P4HA1: variants seen among roughly 807,000 people sequenced by gnomAD.
P4HA1 encodes prolyl 4-hydroxylase subunit alpha 1, also known as prolyl 4-hydroxylase subunit alpha-1.
In P4HA1, 24 loss-of-function variants were observed where a neutral mutation model predicts 72.8. The ratio of observed to expected loss-of-function variants is 0.33; its 90% CI spans 0.24 to 0.46. The LOEUF (loss-of-function observed/expected upper bound fraction) is 0.46. Among genes scored for constraint, P4HA1 ranks in the 20% least tolerant of loss-of-function variants. The pLI is 1.00. For missense variants in P4HA1, 446 were observed against 640.6 expected, an observed-to-expected ratio of 0.70 and a Z score of 3.28; for synonymous variants, 201 against 218.8, an observed-to-expected ratio of 0.92 and a Z score of 0.72.
chr10:73,096,415 A>G (rs1270400964), intron 1 of P4HA1, among the ~76,000 whole-genome samples: 1 of 151,158 alleles, frequency 6.6e-6, no homozygotes, highest in East Asian at 1.9e-4. Flanking sequence ...GGTGCAGGGG[A>G]ACTTGGAAAA....
At chr10:73,045,849 T>G (rs1840844849) in intron 8 of P4HA1, among the ~76,000 whole-genome samples, 3 of 150,240 alleles carry the variant, frequency 2.0e-5, no homozygotes, top group African/African-American at 7.4e-5. Context: ...ACCAGTCTTT[T>G]GCATTTATAA....
intron 1 of P4HA1, among the ~76,000 whole-genome samples, chr10:73,090,085 C>T (rs576252608): frequency 2.6e-5 from 4 of 152,220 alleles, no homozygotes; most frequent in South Asian, 2.1e-4. Flanking sequence ...CCTCCTGCCT[C>T]GGCCCCCCAG....
intron 9 of P4HA1, among the ~76,000 whole-genome samples, chr10:73,033,005 G>T (rs957731705): frequency 2.6e-5 from 4 of 152,172 alleles, no homozygotes; most frequent in Admixed American, 6.5e-5. Flanking sequence ...AAAATGGGAA[G>T]AATCAAAGTG....
At chr10:73,096,258 T>C (rs951458352) in intron 1 of P4HA1, among the ~76,000 whole-genome samples, 1 of 152,148 alleles carries the variant, frequency 6.6e-6, no homozygotes, top group African/African-American at 2.4e-5. Context: ...CGACTTTCGA[T>C]AGGGCAAAAA....
At chr10:73,032,155 GT>G (rs1287021927) in intron 9 of P4HA1, among the ~76,000 whole-genome samples, 2 of 152,102 alleles carry the variant, frequency 1.3e-5, no homozygotes, top group African/African-American at 4.8e-5. Context: ...CCTTCACTCA[GT>G]AGATAATGTA....
intron 3 of P4HA1, among the ~76,000 whole-genome samples, chr10:73,073,496 C>G (rs1841615662): frequency 6.6e-6 from 1 of 152,112 alleles, no homozygotes; most frequent in Non-Finnish European, 1.5e-5. Context: ...GCTGGGATTA[C>G]AGGCATGAGC....
At chr10:73,043,793 G>T in intron 9 of P4HA1, 1 of 911,292 alleles carries the variant, frequency 1.1e-6, no homozygotes, top group Non-Finnish European at 1.8e-6. Flanking sequence ...AACCACCTAG[G>T]TCTTAGAAAC....
chr10:73,041,841 C>CTT (rs771879587), intron 9 of P4HA1, among the ~76,000 whole-genome samples: 1 of 145,796 alleles, frequency 6.9e-6, no homozygotes, highest in African/African-American at 2.5e-5. Context: ...TTTCTTTTCT[C>CTT]TTTTTTTTTT....
rs1288347457 is a variant in P4HA1, at chr10:73,007,484, AATC to A, written c.*735_*737del. 6.6e-6 allele frequency: 1 copy of A among 152,556 alleles called. No homozygotes were observed. The highest frequency in any genetic ancestry group is 2.4e-5 in the African/African-American group (1 of 41,408). The allele number at this position is 152,556 out of a possible 1,614,324, so 9.5% of individuals were successfully genotyped here. A position where few individuals can be genotyped will look rare whatever the true frequency, so the allele number is the denominator to read the frequency against. ...GAAAAACAGCAAAATTCCTGAACAAAATCATCTGTCATTTTAAAAAAGGGATAA... is the reference window on the plus strand; with the variant it reads ...GAAAAACAGCAAAATTCCTGAACAAAATCTGTCATTTTAAAAAAGGGATAA... On this transcript the variant is annotated 3_prime_UTR_variant, in exon 15 of 15. Transcript: ENST00000394890.
chr10:73,071,037 T>C (rs58352435), intron 4 of P4HA1, among the ~76,000 whole-genome samples: 23,978 of 151,628 alleles, frequency 0.16, 3,122 homozygotes, highest in African/African-American at 0.34. Context: ...AATTTTTAAA[T>C]TGGCCTGGCG....
intron 5 of P4HA1, among the ~76,000 whole-genome samples, chr10:73,062,813 T>TG (rs1841341530): frequency 6.6e-6 from 1 of 152,206 alleles, no homozygotes; most frequent in Admixed American, 6.5e-5. Flanking sequence ...GTTTTGCTAG[T>TG]GATCAGACAT....
Position 73,009,878 on chromosome 10 carries a change from A to C in P4HA1, c.1463T>G (p.Leu488Arg). ...ATAATCTCCTTCTCCACTGGCAAAC[A>C]GATTATACCAGAAAACAGCAGTTCC... ...KKGTAVFWYN[L>R]FASGEGDYST... The change falls in exon 14 of 15, where the codon CTG (leucine) becomes CGG (arginine). Residue 488 changes from leucine to arginine, a missense_variant. By Grantham distance (102) the Leu-to-Arg change is moderately radical. Transcript: ENST00000394890. 1 of 1,608,000 alleles carries C rather than the reference A, an allele frequency of 6.2e-7. No individual in the cohort carries two copies. The highest frequency in any genetic ancestry group is 1.7e-5 in the Admixed American group (1 of 60,010).
At chr10:73,048,634 CT>C (rs111740130) in intron 7 of P4HA1, among the ~76,000 whole-genome samples, 24,195 of 152,018 alleles carry the variant, frequency 0.16, 3,202 homozygotes, top group African/African-American at 0.34. Flanking sequence ...TTAGCAGACT[CT>C]TTGTTTTATA....
intron 14 of P4HA1, among the ~76,000 whole-genome samples, chr10:73,008,655 G>A (rs1839844611): frequency 6.6e-6 from 1 of 152,094 alleles, no homozygotes; most frequent in Admixed American, 6.5e-5. Flanking sequence ...TTTATGTATT[G>A]TTTTCAAAGT....
intron 1 of P4HA1, among the ~76,000 whole-genome samples, chr10:73,083,449 A>G (rs1374985065): frequency 1.3e-5 from 2 of 152,206 alleles, no homozygotes; most frequent in Non-Finnish European, 2.9e-5. Flanking sequence ...TTCATATTAG[A>G]AGTCAGCTCT....
At chr10:73,066,834 C>A (rs1841434863) in intron 5 of P4HA1, among the ~76,000 whole-genome samples, 1 of 152,116 alleles carries the variant, frequency 6.6e-6, no homozygotes, top group East Asian at 1.9e-4. Flanking sequence ...CTCTTTCCTG[C>A]CACCCTGTGA....
At chr10:73,043,444 A>G (rs1840783675) in intron 9 of P4HA1, among the ~76,000 whole-genome samples, 2 of 152,224 alleles carry the variant, frequency 1.3e-5, no homozygotes, top group Admixed American at 6.5e-5. Context: ...TAATAACCTA[A>G]TAAGATTATC....
chr10:73,044,065 G>A, intron 9 of P4HA1: 1 of 665,334 alleles, frequency 1.5e-6, no homozygotes, highest in East Asian at 2.7e-5. Flanking sequence ...GTTCAGATTG[G>A]TCTGGATGGT....
chr10:73,014,557 G>C (rs1839974934), intron 11 of P4HA1, among the ~76,000 whole-genome samples: 1 of 152,118 alleles, frequency 6.6e-6, no homozygotes, highest in African/African-American at 2.4e-5. Context: ...ACAGGTGTGA[G>C]CCACTGTACC....
Sources: allele counts gnomAD v4.1 joint callset (sites outside exome capture counted in the v4.1 genomes callset), GRCh38; gene constraint gnomAD v4.1.1; transcripts MANE v1.5; gene names NCBI Gene and HGNC (gene_info 2026-07-23, HGNC 2026-07-21).